CNTN5: variants seen among roughly 807,000 people sequenced by gnomAD.
CNTN5 encodes contactin-5.
CNTN5 carries 77 observed loss-of-function variants against 129.1 expected under a neutral mutation model. The observed-to-expected ratio is 0.60, with a 90% CI of 0.50 to 0.72. CNTN5 has a LOEUF of 0.72. CNTN5 is among the 30% of genes least tolerant of loss of function. The pLI, the probability that CNTN5 is intolerant of heterozygous loss-of-function variation, is 0.00. For missense variants in CNTN5, 1,478 were observed against 1,328.8 expected, an observed-to-expected ratio of 1.11 and a Z score of -1.75; for synonymous variants, 509 against 465.6, an observed-to-expected ratio of 1.09 and a Z score of -1.20.
At chr11:100,291,167 A>C (rs1448430496) in intron 18 of CNTN5, among the ~76,000 whole-genome samples, 25 of 150,628 alleles carry the variant, frequency 1.7e-4, no homozygotes, top group South Asian at 4.2e-4. Flanking sequence ...GTGGGAATGT[A>C]AACTAGTTCA....
chr11:99,495,827 G>A (rs945745903), intron 2 of CNTN5, among the ~76,000 whole-genome samples: 1 of 152,112 alleles, frequency 6.6e-6, no homozygotes, highest in African/African-American at 2.4e-5. Context: ...GTAGTAAGAA[G>A]TGCAGAGCGA....
At chr11:99,203,154 A>G (rs1013601907) in intron 1 of CNTN5, among the ~76,000 whole-genome samples, 1 of 152,050 alleles carries the variant, frequency 6.6e-6, no homozygotes, top group Non-Finnish European at 1.5e-5. Context: ...AATAAGAATA[A>G]CTCTTACCCT....
At chr11:99,797,580 T>C (rs1307245541) in intron 3 of CNTN5, among the ~76,000 whole-genome samples, 1 of 152,202 alleles carries the variant, frequency 6.6e-6, no homozygotes, top group Non-Finnish European at 1.5e-5. Flanking sequence ...TGTCTTCTTT[T>C]GAGAAGTGTC....
At chr11:99,870,600 T>G (rs1948478653) in intron 6 of CNTN5, among the ~76,000 whole-genome samples, 1 of 152,136 alleles carries the variant, frequency 6.6e-6, no homozygotes, top group African/African-American at 2.4e-5. Flanking sequence ...GAAGTAAACA[T>G]TCTACCATCA....
At chr11:99,967,602 G>T (rs1203985645) in intron 8 of CNTN5, among the ~76,000 whole-genome samples, 1 of 152,140 alleles carries the variant, frequency 6.6e-6, no homozygotes, top group African/African-American at 2.4e-5. Context: ...GAGTAATACA[G>T]ATGTTTATTA....
intron 2 of CNTN5, among the ~76,000 whole-genome samples, chr11:99,361,414 A>G (rs1349223265): frequency 6.6e-6 from 1 of 152,202 alleles, no homozygotes; most frequent in East Asian, 1.9e-4. Context: ...CTAATATTGT[A>G]TTTAATAAAT....
intron 18 of CNTN5, among the ~76,000 whole-genome samples, chr11:100,295,064 A>G (rs553334696): frequency 1.3e-5 from 2 of 151,752 alleles, no homozygotes; most frequent in South Asian, 4.1e-4. Context: ...TATATCTAGT[A>G]AACTTTTTTT....
intron 4 of CNTN5, among the ~76,000 whole-genome samples, chr11:99,830,192 TG>T (rs754616120): frequency 3.3e-5 from 5 of 152,130 alleles, no homozygotes; most frequent in Non-Finnish European, 7.4e-5. Context: ...ATGGCGGAAA[TG>T]GTGGTCCTTA....
intron 8 of CNTN5, among the ~76,000 whole-genome samples, chr11:99,992,759 A>C (rs997324621): frequency 2.0e-5 from 3 of 152,190 alleles, no homozygotes; most frequent in Non-Finnish European, 4.4e-5. Flanking sequence ...AAGTAATTGG[A>C]ATAAATAAGA....
intron 2 of CNTN5, among the ~76,000 whole-genome samples, chr11:99,439,820 C>G (rs1943755290): frequency 6.6e-6 from 1 of 151,688 alleles, no homozygotes; most frequent in African/African-American, 2.4e-5. Flanking sequence ...TTGCCGCTGT[C>G]CAACAATTAA....
Position 99,811,850 on chromosome 11 carries a change from A to G in CNTN5, c.56-7694A>G, listed in dbSNP as rs149205479. ...CCTAAGGTCTAACCTACAAAAAGTG[A>G]GAAAATAGAAAAAGAAATGATTAAC... On this transcript the variant is annotated intron_variant, in intron 3 of 24. Transcript: ENST00000524871. Among the ~76,000 whole-genome samples, 80 of 152,228 alleles carry G rather than the reference A, an allele frequency of 5.3e-4. No individual in the cohort carries two copies. In the South Asian group the frequency reaches 9.3e-3, roughly 18 times the overall value.
chr11:99,231,686 C>T (rs539988971), intron 1 of CNTN5, among the ~76,000 whole-genome samples: 40 of 152,216 alleles, frequency 2.6e-4, no homozygotes, highest in African/African-American at 9.6e-4. Flanking sequence ...TGTTTTGTTG[C>T]AATTGCTTTT....
At chr11:99,884,680 T>TA (rs1948853343) in intron 6 of CNTN5, among the ~76,000 whole-genome samples, 1 of 152,166 alleles carries the variant, frequency 6.6e-6, no homozygotes, top group Non-Finnish European at 1.5e-5. Flanking sequence ...ACAGAGATGT[T>TA]AAAAACAGTA....
At chr11:99,203,038 G>A (rs1859294304) in intron 1 of CNTN5, among the ~76,000 whole-genome samples, 2 of 151,930 alleles carry the variant, frequency 1.3e-5, no homozygotes, top group African/African-American at 4.8e-5. Context: ...AGAGAGGGAG[G>A]GAGGAAGAGA....
At chr11:99,234,405 C>T (rs935418225) in intron 1 of CNTN5, among the ~76,000 whole-genome samples, 13 of 152,148 alleles carry the variant, frequency 8.5e-5, no homozygotes, top group African/African-American at 3.1e-4. Flanking sequence ...TAGATCTTAG[C>T]ATTATGTGCA....
chr11:99,874,165 C>G (rs1053807668), intron 6 of CNTN5, among the ~76,000 whole-genome samples: 5 of 152,220 alleles, frequency 3.3e-5, no homozygotes, highest in African/African-American at 9.6e-5. Flanking sequence ...CACAATACAT[C>G]CATGTGACAA....
At chr11:99,836,047 G>T (rs1401719079) in intron 4 of CNTN5, among the ~76,000 whole-genome samples, 1 of 151,330 alleles carries the variant, frequency 6.6e-6, no homozygotes, top group African/African-American at 2.4e-5. Flanking sequence ...CAGTCCAAAG[G>T]GCTGCTGGTT....
intron 13 of CNTN5, among the ~76,000 whole-genome samples, chr11:100,108,374 C>G (rs1306853993): frequency 6.6e-6 from 1 of 152,054 alleles, no homozygotes; most frequent in Non-Finnish European, 1.5e-5. Flanking sequence ...GAAGCAGATG[C>G]AATCATTGAG....
At chr11:99,243,087 T>A (rs889498817) in intron 1 of CNTN5, among the ~76,000 whole-genome samples, 3 of 152,184 alleles carry the variant, frequency 2.0e-5, no homozygotes. Flanking sequence ...TGAACTAATT[T>A]ACGTTCTCAC....
Sources: gnomAD v4.1 joint callset for allele counts (sites outside exome capture counted in the v4.1 genomes callset) on GRCh38, gnomAD v4.1.1 for gene constraint, MANE v1.5 for transcripts, NCBI Gene and HGNC (gene_info 2026-07-23, HGNC 2026-07-21) for gene names.